The following ARHGAP35 variants were observed in gnomAD, a reference collection of about 807,000 sequenced individuals.
ARHGAP35 encodes rho GTPase-activating protein 35.
A neutral mutation model predicts 111.1 loss-of-function variants in ARHGAP35; 15 were observed. The ratio of observed to expected loss-of-function variants is 0.13; its 90% CI spans 0.09 to 0.21. ARHGAP35 has a LOEUF of 0.21. Ranked by LOEUF, ARHGAP35 falls within the 10% of genes least tolerant of loss-of-function variation. The probability of loss-of-function intolerance (pLI) is 1.00; values close to 1 mark genes in which losing one functional copy is unlikely to be tolerated. For synonymous variants in ARHGAP35, 643 were observed against 710.3 expected (o/e 0.91, Z 1.51); for missense variants, 1,262 against 1,873.0 (o/e 0.67, Z 6.02).
intron 1 of ARHGAP35, among the ~76,000 whole-genome samples, chr19:46,864,313 C>T (rs2055844418): frequency 6.6e-6 from 1 of 152,168 alleles, no homozygotes; most frequent in Non-Finnish European, 1.5e-5. Context: ...TCTGTCCAAC[C>T]ATTTTCCTTC....
intron 3 of ARHGAP35, among the ~76,000 whole-genome samples, chr19:46,967,468 G>A (rs1254702660): frequency 6.6e-6 from 1 of 152,096 alleles, no homozygotes; most frequent in Non-Finnish European, 1.5e-5. Context: ...CTGCCCCTGC[G>A]TTTAGTCTCT....
In ARHGAP35 at chr19:46,866,792, A is replaced by G. The variant is rs138891134; in HGVS notation, c.-189+5583A>G. On this transcript the variant is annotated intron_variant, in intron 1 of 6. Coordinates refer to ENST00000672722, the MANE Select transcript of ARHGAP35 (RefSeq NM_004491.5). ...TAAAATAAACACTGCCTGTTTTTCAACCATTCACATGGAGATTACTTTATA... is the reference window on the plus strand; with the variant it reads ...TAAAATAAACACTGCCTGTTTTTCAGCCATTCACATGGAGATTACTTTATA... Among the ~76,000 whole-genome samples, 47 of 152,300 alleles carry G rather than the reference A, an allele frequency of 3.1e-4. No individual in the cohort carries two copies. In the East Asian group the frequency reaches 8.5e-3, roughly 27 times the overall value.
rs2056204730 is a variant in ARHGAP35, at chr19:46,922,035, G to T, written c.3360G>T (p.Arg1120=). 2 of 1,613,856 alleles carry T rather than the reference G, an allele frequency of 1.2e-6. No homozygotes were observed. Among genetic ancestry groups the T allele is most frequent in the Admixed American group, 1.7e-5 (1 of 60,002 alleles). Residue 1120 remains arginine (R), a synonymous_variant, in exon 2 of 7, where the codon CGG becomes CGT. Transcript: ENST00000672722. The surrounding 1 kb of genome is among the most constrained non-coding windows in gnomAD (Gnocchi z 4.0). ...CCCAAGGCAAAATCATCACCATTCG[G>T]AATATCAACAAAGCCCAGTCCAACG... is the stretch of plus-strand genomic sequence containing the variant. The part of the protein sequence containing the change: ...DSTQGKIITI[R]NINKAQSNGS...
At chr19:46,886,693 CAGAA>C (rs935972318) in intron 1 of ARHGAP35, among the ~76,000 whole-genome samples, 4 of 152,106 alleles carry the variant, frequency 2.6e-5, no homozygotes, top group African/African-American at 9.7e-5. Context: ...ATAAATGTAA[CAGAA>C]AGAAGTATGA....
At chr19:46,933,886 G>A (rs961993044) in intron 2 of ARHGAP35, among the ~76,000 whole-genome samples, 1 of 152,202 alleles carries the variant, frequency 6.6e-6, no homozygotes, top group Non-Finnish European at 1.5e-5. Context: ...AAATTTCCTG[G>A]CTAAGTTAGA....
intron 3 of ARHGAP35, among the ~76,000 whole-genome samples, chr19:46,944,012 A>G (rs2122235895): frequency 6.6e-6 from 1 of 152,320 alleles, no homozygotes; most frequent in East Asian, 1.9e-4. Context: ...TACAAAAGTA[A>G]TAGATGGCCA....
At chr19:46,879,587 A>AAAT in intron 1 of ARHGAP35, among the ~76,000 whole-genome samples, 1 of 87,678 alleles carries the variant, frequency 1.1e-5, no homozygotes, top group African/African-American at 4.4e-5. Flanking sequence ...ACTCCATCTC[A>AAAT]AAATAAATAA....
At chr19:46,896,333 T>C (rs904164962) in intron 1 of ARHGAP35, among the ~76,000 whole-genome samples, 1 of 152,192 alleles carries the variant, frequency 6.6e-6, no homozygotes, top group Non-Finnish European at 1.5e-5. Context: ...TGAGTGGTTA[T>C]TGCGCCACTG....
At chr19:46,971,644 C>T (rs1045922493) in intron 3 of ARHGAP35, among the ~76,000 whole-genome samples, 18 of 151,612 alleles carry the variant, frequency 1.2e-4, no homozygotes, top group Admixed American at 2.6e-4. Flanking sequence ...GGATTACAGG[C>T]GCACGCCACC....
intron 5 of ARHGAP35, among the ~76,000 whole-genome samples, chr19:46,991,436 A>G (rs1439341868): frequency 2.6e-5 from 4 of 152,166 alleles, no homozygotes; most frequent in African/African-American, 7.2e-5. Flanking sequence ...GCCGGCAGGA[A>G]CGGGAGGTGC....
chr19:46,999,840 G>A lies in ARHGAP35; in HGVS notation c.4142+431G>A, dbSNP rs963966486. 1.4e-5 allele frequency: 3 copies of A among 215,916 alleles called. No homozygotes were observed. Among genetic ancestry groups the A allele is most frequent in the African/African-American group, 6.9e-5 (3 of 43,604 alleles). 13.4% of individuals were successfully genotyped at this position (215,916 alleles called of 1,614,324 possible). A position where few individuals can be genotyped will look rare whatever the true frequency, so the allele number is the denominator to read the frequency against. On this transcript the variant is annotated intron_variant, in intron 6 of 6. Transcript: ENST00000672722. This position sits in a 1 kb window ranked among gnomAD's most constrained non-coding sequence, Gnocchi z 5.4. ...TCACGTTCCCAGCTGGGGAGAACCG[G>A]GACACTGCACCTCGAGAGATGTGCT...
intron 3 of ARHGAP35, among the ~76,000 whole-genome samples, chr19:46,952,005 T>C (rs1177802057): frequency 6.6e-6 from 1 of 152,222 alleles, no homozygotes; most frequent in Admixed American, 6.5e-5. Flanking sequence ...TAGTGTTTGA[T>C]AGCCCAGTAG....
At chr19:46,889,438 G>A (rs188491850) in intron 1 of ARHGAP35, among the ~76,000 whole-genome samples, 2 of 152,252 alleles carry the variant, frequency 1.3e-5, no homozygotes, top group African/African-American at 4.8e-5. Flanking sequence ...CAGCCTGGGT[G>A]ACGAGTGAAA....
chr19:46,871,438 G>C (rs2055886900), intron 1 of ARHGAP35, among the ~76,000 whole-genome samples: 1 of 152,058 alleles, frequency 6.6e-6, no homozygotes. Context: ...CACCTCCCAG[G>C]TTAAAGCAGT....
At chr19:46,953,664 C>A (rs1402454436) in intron 3 of ARHGAP35, among the ~76,000 whole-genome samples, 1 of 152,080 alleles carries the variant, frequency 6.6e-6, no homozygotes, top group Non-Finnish European at 1.5e-5. Context: ...ATACCCAGTC[C>A]CCCATATTGC....
intron 3 of ARHGAP35, among the ~76,000 whole-genome samples, chr19:46,943,107 C>T (rs1001398459): frequency 1.3e-5 from 2 of 151,494 alleles, no homozygotes; most frequent in Non-Finnish European, 1.5e-5. Context: ...ATGGTGCAGT[C>T]GTAGCTCACG....
At chr19:46,868,268 C>G (rs1361688161) in intron 1 of ARHGAP35, among the ~76,000 whole-genome samples, 1 of 152,214 alleles carries the variant, frequency 6.6e-6, no homozygotes, top group Non-Finnish European at 1.5e-5. Context: ...GAATCCAGAT[C>G]TGTCTGATTT....
intron 2 of ARHGAP35, among the ~76,000 whole-genome samples, chr19:46,928,315 C>T (rs2056250390): frequency 6.6e-6 from 1 of 152,186 alleles, no homozygotes; most frequent in South Asian, 2.1e-4. Context: ...ACTTGGTCTC[C>T]TCCACCACCT....
At chr19:46,985,514 G>T (rs2122330747) in intron 3 of ARHGAP35, among the ~76,000 whole-genome samples, 1 of 152,318 alleles carries the variant, frequency 6.6e-6, no homozygotes, top group African/African-American at 2.4e-5. Flanking sequence ...ATGATCTGGG[G>T]CAAGGACTTC....
Sources: gnomAD v4.1 joint callset for allele counts (sites outside exome capture counted in the v4.1 genomes callset) on GRCh38, gnomAD v4.1.1 for gene constraint, Gnocchi (gnomAD v3.1) non-coding constraint, MANE v1.5 for transcripts, NCBI Gene and HGNC (gene_info 2026-07-23, HGNC 2026-07-21) for gene names.